The following TPRA1 variants were observed in gnomAD, a reference collection of about 807,000 sequenced individuals.
TPRA1 encodes the protein transmembrane protein adipocyte-associated 1.
TPRA1 carries 28 observed loss-of-function variants against 40.1 expected under a neutral mutation model. That is an observed-to-expected ratio of 0.70 (90% confidence interval 0.52 to 0.96). The LOEUF (loss-of-function observed/expected upper bound fraction) is 0.96. TPRA1 is among the 40% of genes least tolerant of loss of function. The pLI, the probability that TPRA1 is intolerant of heterozygous loss-of-function variation, is 0.00. For missense variants in TPRA1, 441 were observed against 482.6 expected, an observed-to-expected ratio of 0.91 and a Z score of 0.81; for synonymous variants, 219 against 209.7, an observed-to-expected ratio of 1.04 and a Z score of -0.38.
intron 1 of TPRA1, among the ~76,000 whole-genome samples, chr3:127,583,087 G>A (rs1039467465): frequency 2.7e-5 from 4 of 150,162 alleles, no homozygotes; most frequent in Admixed American, 6.7e-5. Flanking sequence ...CATAGGTTAC[G>A]TTTAGCTGAG....
At chr3:127,585,475 G>A (rs1461460418) in intron 1 of TPRA1, among the ~76,000 whole-genome samples, 1 of 152,222 alleles carries the variant, frequency 6.6e-6, no homozygotes, top group Non-Finnish European at 1.5e-5. Context: ...CTGAAGTGGA[G>A]GAGGAACAGA....
At position 127,575,476 on chromosome 3, in the gene TPRA1, T is replaced by C. The variant is rs1039264549; in HGVS notation, c.700A>G (p.Ile234Val). 5.0e-6 allele frequency: 8 copies of C among 1,598,344 alleles called. No homozygotes were observed. The highest frequency in any genetic ancestry group is 6.8e-6 in the Non-Finnish European group (8 of 1,172,862). ...TGCAGTAGGTTGAGCAGTGCCAGGA[T>C]GCCCGCATACACGTAGAAGCTCCTC... is the stretch of plus-strand genomic sequence containing the variant. The part of the protein sequence containing the change: ...SRRSFYVYAG[I>V]LALLNLLQGL... The change falls in exon 9 of 11, where the codon ATC becomes GTC. Residue 234 changes from isoleucine to valine, a missense_variant. By Grantham distance (29) the Ile-to-Val change is conservative. Coordinates refer to ENST00000355552, the MANE Select transcript of TPRA1 (RefSeq NM_001136053.4).
intron 1 of TPRA1, among the ~76,000 whole-genome samples, chr3:127,584,780 A>C (rs1242040283): frequency 6.6e-6 from 1 of 152,214 alleles, no homozygotes; most frequent in East Asian, 1.9e-4. Flanking sequence ...ATAAACTCTA[A>C]AACAGAGGCC....
In TPRA1 at chr3:127,576,544, G is replaced by T. The variant is rs2073633769; in HGVS notation, c.498+73C>A. 4 of 1,431,574 alleles carry T rather than the reference G, an allele frequency of 2.8e-6. No homozygotes were observed. Among genetic ancestry groups the T allele is most frequent in the Non-Finnish European group, 3.8e-6 (4 of 1,055,426 alleles). 88.7% of individuals were successfully genotyped at this position (1,431,574 alleles called of 1,614,324 possible). A position where few individuals can be genotyped will look rare whatever the true frequency, so the allele number is the denominator to read the frequency against. ...TGAAGGTGATAAAGACTGGAAACCT[G>T]ACCCAGACCCAGAAGCAGTGGGTGC... On this transcript the variant is annotated intron_variant, in intron 6 of 10. Transcript: ENST00000355552. This position sits in a 1 kb window ranked among gnomAD's most constrained non-coding sequence, Gnocchi z 4.6.
Position 127,573,629 on chromosome 3 carries a change from G to T in TPRA1, c.1014C>A (p.Phe338Leu), listed in dbSNP as rs147812364. 2 of 1,613,206 alleles carry T rather than the reference G, an allele frequency of 1.2e-6. No homozygotes were observed. Among genetic ancestry groups the T allele is most frequent in the African/African-American group, 1.3e-5 (1 of 74,918 alleles). ...GGTAGGCCACCCCGCCGGCAGAGTC[G>T]AACTGCGTGCTCGAGTAGCTGGCAG... The part of the protein sequence containing the change: ...ASAASYSSTQ[F>L]DSAGGVAYLD... The change falls in exon 11 of 11, where the codon TTC (phenylalanine) becomes TTA (leucine). Residue 338 changes from phenylalanine to leucine, a missense_variant. Physicochemically the swap from Phe to Leu is conservative, Grantham distance 22. Coordinates refer to ENST00000355552, the MANE Select transcript of TPRA1 (RefSeq NM_001136053.4).
Position 127,576,471 on chromosome 3 carries a change from G to T in TPRA1, c.498+146C>A. 2 of 816,590 alleles carry T rather than the reference G, an allele frequency of 2.4e-6. No homozygotes were observed. The highest frequency in any genetic ancestry group is 3.7e-6 in the Non-Finnish European group (2 of 534,582). The allele number at this position is 816,590 out of a possible 1,614,324, so 50.6% of individuals were successfully genotyped here. A position where few individuals can be genotyped will look rare whatever the true frequency, so the allele number is the denominator to read the frequency against. On this transcript the variant is annotated intron_variant, in intron 6 of 10. Coordinates refer to ENST00000355552, the MANE Select transcript of TPRA1 (RefSeq NM_001136053.4). This position sits in a 1 kb window ranked among gnomAD's most constrained non-coding sequence, Gnocchi z 4.6. ...CCAGGGGACCCCAGAATGTGCCTCG[G>T]TAACAAGCACCCCATGTGATTTCTC...
At chr3:127,597,025 A>C (rs1452122921) in intron 1 of TPRA1, among the ~76,000 whole-genome samples, 3 of 152,034 alleles carry the variant, frequency 2.0e-5, no homozygotes, top group Non-Finnish European at 4.4e-5. Flanking sequence ...CTAAGGCACG[A>C]GAATCGCTTG....
At chr3:127,596,411 A>T (rs1036768556) in intron 1 of TPRA1, among the ~76,000 whole-genome samples, 1 of 152,200 alleles carries the variant, frequency 6.6e-6, no homozygotes, top group Non-Finnish European at 1.5e-5. Flanking sequence ...AGCAATAGAT[A>T]ACACAAGCCC....
chr3:127,583,076 G>T (rs1343762017), intron 1 of TPRA1, among the ~76,000 whole-genome samples: 1 of 151,270 alleles, frequency 6.6e-6, no homozygotes, highest in Non-Finnish European at 1.5e-5. Context: ...AACCCGGGAG[G>T]CATAGGTTAC....
chr3:127,590,686 A>C lies in TPRA1; in HGVS notation c.-294T>G, dbSNP rs969516812. On this transcript the variant is annotated 5_prime_UTR_variant, in exon 1 of 11. Coordinates refer to ENST00000355552, the MANE Select transcript of TPRA1 (RefSeq NM_001136053.4). ...CCCGACAGCGGCGACCGGGAAAGCAAGACCGTCTTTTTCGTCCAGCCCAAA... is the reference window on the plus strand; with the variant it reads ...CCCGACAGCGGCGACCGGGAAAGCACGACCGTCTTTTTCGTCCAGCCCAAA... 6.6e-6 allele frequency: 1 copy of C among 152,356 alleles called. No individual in the cohort carries two copies. The allele number at this position is 152,356 out of a possible 1,614,324, so 9.4% of individuals were successfully genotyped here.
At chr3:127,593,625 C>T (rs115837578), upstream of TPRA1, among the ~76,000 whole-genome samples, 1,921 of 152,146 alleles carry the variant, frequency 0.013, 35 homozygotes, top group African/African-American at 0.04. Flanking sequence ...GAGAAAATGG[C>T]GGAGACTGGT....
chr3:127,580,091 G>C lies in TPRA1; in HGVS notation c.56C>G (p.Pro19Arg). 1 of 1,613,866 alleles carries C rather than the reference G, an allele frequency of 6.2e-7. No individual in the cohort carries two copies. Among genetic ancestry groups the C allele is most frequent in the Non-Finnish European group, 8.5e-7 (1 of 1,180,016 alleles). The change falls in exon 2 of 11, where the codon CCC (proline) becomes CGC (arginine). Residue 19 changes from proline to arginine, a missense_variant. Coordinates refer to ENST00000355552, the MANE Select transcript of TPRA1 (RefSeq NM_001136053.4). ...AGGCACACTGATGTTTGGTGCCAGG[G>C]GTGGGGGTAGCGCTGTGCTCCCATT... ...WANGSTALPPPLAPNISVPHR... is the reference protein window; with the variant it reads ...WANGSTALPPRLAPNISVPHR...
intron 8 of TPRA1, 50 bp from the exon 9 acceptor site, chr3:127,575,555 GCT>G: frequency 6.7e-7 from 1 of 1,491,568 alleles, no homozygotes; most frequent in Non-Finnish European, 9.0e-7. Context: ...GACAGGCCAG[GCT>G]CTGCCTCCAG....
At chr3:127,580,286 C>T (rs891758219) in intron 1 of TPRA1, 123 bp from the exon 2 acceptor site, 4 of 1,120,808 alleles carry the variant, frequency 3.6e-6, no homozygotes, top group African/African-American at 1.6e-5. Flanking sequence ...AAACCACCCT[C>T]CCCACCCACT....
At chr3:127,574,281 A>T (rs1479998913) in intron 10 of TPRA1, among the ~76,000 whole-genome samples, 1 of 152,164 alleles carries the variant, frequency 6.6e-6, no homozygotes, top group Non-Finnish European at 1.5e-5. Context: ...GTGTGCAAAG[A>T]TCCAAGCTGG....
rs2107626051 is a variant in TPRA1, at chr3:127,576,104, C to T, written c.499-54G>A. On this transcript the variant is annotated intron_variant, in intron 6 of 10. Transcript: ENST00000355552. The surrounding 1 kb of genome is among the most constrained non-coding windows in gnomAD (Gnocchi z 4.6). ...GGAGAGGATCTCAAGGCTTCTCTCT[C>T]CCAGGGGCTTTCCCTGATGCAAAGC... 5 of 1,430,024 alleles carry T rather than the reference C, an allele frequency of 3.5e-6. No homozygotes were observed. The highest frequency in any genetic ancestry group is 3.9e-6 in the Non-Finnish European group (4 of 1,021,954). 88.6% of individuals were successfully genotyped at this position (1,430,024 alleles called of 1,614,324 possible).
At chr3:127,581,655 G>A (rs2073835204) in intron 1 of TPRA1, among the ~76,000 whole-genome samples, 1 of 152,018 alleles carries the variant, frequency 6.6e-6, no homozygotes, top group African/African-American at 2.4e-5. Flanking sequence ...GCTCATGCCT[G>A]TAATCCTAGC....
At chr3:127,587,031 T>TG (rs1186834613) in intron 1 of TPRA1, 1 of 152,246 alleles carries the variant, frequency 6.6e-6, no homozygotes, top group Non-Finnish European at 1.5e-5. Flanking sequence ...GATGCGTGAC[T>TG]AACCCTTCAC....
Position 127,573,670 on chromosome 3 carries a change from C to T in TPRA1, c.973G>A (p.Ala325Thr). 3.7e-6 allele frequency: 6 copies of T among 1,613,614 alleles called. No individual in the cohort carries two copies. The highest frequency in any genetic ancestry group is 5.1e-6 in the Non-Finnish European group (6 of 1,179,996). ...TAGCTGGCAGCTGAGGCCCCAGCAGCCCCTGCAGCCTCCAGGCCCTCCCGC... is the reference window on the plus strand; with the variant it reads ...TAGCTGGCAGCTGAGGCCCCAGCAGTCCCTGCAGCCTCCAGGCCCTCCCGC... ...ARREGLEAAG[A>T]AGASAASYSS... Residue 325 changes from alanine to threonine, a missense_variant, in exon 11 of 11, where the codon GCT (alanine) becomes ACT (threonine). By Grantham distance (58) the Ala-to-Thr change is moderately conservative. Coordinates refer to ENST00000355552, the MANE Select transcript of TPRA1 (RefSeq NM_001136053.4).
Sources: allele counts gnomAD v4.1 joint callset (sites outside exome capture counted in the v4.1 genomes callset), GRCh38; gene constraint gnomAD v4.1.1; non-coding constraint Gnocchi (gnomAD v3.1); transcripts MANE v1.5; gene names NCBI Gene and HGNC (gene_info 2026-07-23, HGNC 2026-07-21).